The following CNTN5 variants were observed in gnomAD, a reference collection of about 807,000 sequenced individuals.
CNTN5 encodes contactin-5.
Under a neutral mutation model 129.1 loss-of-function variants are expected in CNTN5, and 77 were observed. The ratio of observed to expected loss-of-function variants is 0.60; its 90% CI spans 0.50 to 0.72. The LOEUF (loss-of-function observed/expected upper bound fraction) is 0.72. Among genes scored for constraint, CNTN5 ranks in the 30% least tolerant of loss-of-function variants. CNTN5 has a pLI of 0.00. For synonymous variants in CNTN5, 509 were observed against 465.6 expected, an observed-to-expected ratio of 1.09 and a Z score of -1.20; for missense variants, 1,478 against 1,328.8, an observed-to-expected ratio of 1.11 and a Z score of -1.75.
At chr11:99,304,446 G>A (rs2135952849) in intron 1 of CNTN5, among the ~76,000 whole-genome samples, 1 of 152,214 alleles carries the variant, frequency 6.6e-6, no homozygotes. Context: ...CAAAGAAGTT[G>A]ACATTTCTTT....
intron 4 of CNTN5, among the ~76,000 whole-genome samples, chr11:99,824,842 CACTT>C (rs1309123050): frequency 6.6e-6 from 1 of 151,918 alleles, no homozygotes; most frequent in Non-Finnish European, 1.5e-5. Flanking sequence ...TGAAACCACT[CACTT>C]ATATATGTTA....
intron 1 of CNTN5, among the ~76,000 whole-genome samples, chr11:99,153,466 G>A (rs1860171233): frequency 6.8e-6 from 1 of 147,360 alleles, no homozygotes; most frequent in Middle Eastern, 3.3e-3. Context: ...CTTGAAGTGA[G>A]TTTTCAGCTC....
rs967717717 is a variant in CNTN5, at chr11:99,872,007, A to G, written c.577+26745A>G. ...AAACATAGCCCTTAGAGAAAAATAA[A>G]TGGAAACAATGGTTATGCACAGTAA... On this transcript the variant is annotated intron_variant, in intron 6 of 24. Transcript: ENST00000524871. Among the ~76,000 whole-genome samples, 9 of 151,880 alleles carry G rather than the reference A, an allele frequency of 5.9e-5. 1 individual carries two copies. Among genetic ancestry groups the G allele is most frequent in the African/African-American group, 2.2e-4 (9 of 41,420 alleles).
chr11:100,340,654 G>A lies in CNTN5; in HGVS notation c.2917+5G>A. The A allele has an allele frequency of 1.9e-6, 3 of 1,588,036 alleles. No individual in the cohort carries two copies. Among genetic ancestry groups the A allele is most frequent in the Non-Finnish European group, 2.6e-6 (3 of 1,169,890 alleles). On this transcript the variant is annotated splice_donor_5th_base_variant and intron_variant, in intron 22 of 24. Coordinates refer to ENST00000524871, the MANE Select transcript of CNTN5 (RefSeq NM_014361.4). The stretch of plus-strand genomic sequence containing the variant: ...GTGCAACCACCAAGAAATCCCGTAA[G>A]TGACCTGGGCTTTTTGTTTGTTTCA...
intron 2 of CNTN5, among the ~76,000 whole-genome samples, chr11:99,467,432 G>A (rs548540081): frequency 7.2e-5 from 11 of 152,064 alleles, no homozygotes; most frequent in Admixed American, 6.6e-5. Context: ...CATGAGTAAC[G>A]TCTTCTAAAC....
chr11:100,132,220 C>T (rs542449693), intron 13 of CNTN5, among the ~76,000 whole-genome samples: 33 of 152,210 alleles, frequency 2.2e-4, no homozygotes, highest in African/African-American at 7.7e-4. Context: ...ATTCAGGTTT[C>T]TAATACTTAT....
chr11:99,652,240 C>A (rs572636125), intron 3 of CNTN5, among the ~76,000 whole-genome samples: 56 of 152,144 alleles, frequency 3.7e-4, no homozygotes, highest in African/African-American at 1.3e-3. Context: ...CTCCTAGAAG[C>A]TGTCCTCAGG....
At chr11:99,227,980 G>C (rs1327236655) in intron 1 of CNTN5, among the ~76,000 whole-genome samples, 1 of 151,872 alleles carries the variant, frequency 6.6e-6, no homozygotes, top group East Asian at 1.9e-4. Context: ...TAAACATTTT[G>C]GTAATGTAAC....
At chr11:99,324,358 G>A (rs11219380) in intron 1 of CNTN5, among the ~76,000 whole-genome samples, 47,851 of 151,922 alleles carry the variant, frequency 0.31, 7,623 homozygotes, top group Middle Eastern at 0.38. Flanking sequence ...ATGTCAATAA[G>A]CATAAATGCT....
intron 2 of CNTN5, among the ~76,000 whole-genome samples, chr11:99,541,107 A>C (rs899804899): frequency 6.6e-6 from 1 of 152,196 alleles, no homozygotes; most frequent in African/African-American, 2.4e-5. Flanking sequence ...AATCGTAACA[A>C]CTCCACACTT....
intron 3 of CNTN5, among the ~76,000 whole-genome samples, chr11:99,593,010 T>C (rs954913558): frequency 2.0e-5 from 3 of 152,170 alleles, no homozygotes; most frequent in African/African-American, 7.2e-5. Flanking sequence ...TGACAACTCA[T>C]AGAATATGAC....
At chr11:99,816,213 G>A (rs976358001) in intron 3 of CNTN5, among the ~76,000 whole-genome samples, 1 of 151,904 alleles carries the variant, frequency 6.6e-6, no homozygotes, top group African/African-American at 2.4e-5. Flanking sequence ...CCAGATTCGA[G>A]TAGCTCTGCT....
chr11:100,197,908 A>G (rs1948686906), intron 15 of CNTN5, among the ~76,000 whole-genome samples: 1 of 151,934 alleles, frequency 6.6e-6, no homozygotes, highest in Non-Finnish European at 1.5e-5. Context: ...ATATAGCTGT[A>G]TGGTCCTTCA....
At chr11:99,847,476 G>C (rs1038118614) in intron 6 of CNTN5, among the ~76,000 whole-genome samples, 1 of 152,076 alleles carries the variant, frequency 6.6e-6, no homozygotes, top group African/African-American at 2.4e-5. Flanking sequence ...GGTATTCAGT[G>C]GTAGCACCTT....
At chr11:100,221,708 A>G (rs779756004) in intron 15 of CNTN5, among the ~76,000 whole-genome samples, 3 of 152,178 alleles carry the variant, frequency 2.0e-5, no homozygotes, top group Non-Finnish European at 4.4e-5. Context: ...GGCAGGTACT[A>G]TGCAAGGTTT....
chr11:99,619,980 C>G (rs1358009883), intron 3 of CNTN5, among the ~76,000 whole-genome samples: 4 of 137,330 alleles, frequency 2.9e-5, no homozygotes, highest in Non-Finnish European at 4.6e-5. Flanking sequence ...GAGCCGAGAT[C>G]GTGCCACTGC....
At chr11:99,358,010 A>G (rs1448510696) in intron 2 of CNTN5, among the ~76,000 whole-genome samples, 1 of 146,302 alleles carries the variant, frequency 6.8e-6, no homozygotes, top group Non-Finnish European at 1.5e-5. Context: ...TCTCAAAAAT[A>G]ATAATAATAA....
intron 9 of CNTN5, among the ~76,000 whole-genome samples, chr11:100,021,949 G>A (rs954016726): frequency 1.2e-4 from 19 of 152,134 alleles, no homozygotes; most frequent in African/African-American, 4.6e-4. Flanking sequence ...AAGGTTGGAG[G>A]ACTCAGCAAG....
intron 2 of CNTN5, among the ~76,000 whole-genome samples, chr11:99,354,595 C>T (rs897772076): frequency 4.6e-5 from 7 of 152,074 alleles, no homozygotes; most frequent in Admixed American, 6.6e-5. Context: ...TCTCATACCC[C>T]GTAATCAGTG....
Sources: gnomAD v4.1 joint callset for allele counts (sites outside exome capture counted in the v4.1 genomes callset) on GRCh38, gnomAD v4.1.1 for gene constraint, MANE v1.5 for transcripts, NCBI Gene and HGNC (gene_info 2026-07-23, HGNC 2026-07-21) for gene names.